PIK3C2G: variants seen among roughly 807,000 people sequenced by gnomAD.
PIK3C2G encodes phosphatidylinositol-4-phosphate 3-kinase catalytic subunit type 2 gamma.
PIK3C2G carries 168 observed loss-of-function variants against 181.1 expected under a neutral mutation model. The ratio of observed to expected loss-of-function variants is 0.93; its 90% CI spans 0.82 to 1.05. The LOEUF (loss-of-function observed/expected upper bound fraction) is 1.05. Ranked by LOEUF, PIK3C2G falls within the 50% of genes least tolerant of loss-of-function variation. The pLI, the probability that PIK3C2G is intolerant of heterozygous loss-of-function variation, is 0.00. For missense variants in PIK3C2G, 1,869 were observed against 1,732.8 expected, an observed-to-expected ratio of 1.08 and a Z score of -1.40; for synonymous variants, 573 against 592.2, an observed-to-expected ratio of 0.97 and a Z score of 0.47.
In PIK3C2G at chr12:18,424,039, G is replaced by C. The variant is rs1445321034; in HGVS notation, c.2504G>C (p.Trp835Ser). The change falls in exon 18 of 33, where the codon TGG becomes TCG. Residue 835 changes from tryptophan to serine, a missense_variant and splice_region_variant. Transcript: ENST00000538779. ...ATCCAGGTTGCCCATCGTCTTTACTGGTAAGATTAACTAAATCAGGCAAGG... is the reference window on the plus strand; with the variant it reads ...ATCCAGGTTGCCCATCGTCTTTACTCGTAAGATTAACTAAATCAGGCAAGG... ...QSIQVAHRLY[W>S]LLKNAENEAY... The C allele has an allele frequency of 6.3e-7, 1 of 1,596,894 alleles. No individual in the cohort carries two copies. The highest frequency in any genetic ancestry group is 1.1e-5 in the South Asian group (1 of 89,356).
At chr12:18,315,134 T>C (rs12309706) in intron 6 of PIK3C2G, among the ~76,000 whole-genome samples, 1 of 152,108 alleles carries the variant, frequency 6.6e-6, no homozygotes, top group East Asian at 1.9e-4. Flanking sequence ...CCAGTGGATG[T>C]TTTCTTTTTT....
the PIK3C2G span, among the ~76,000 whole-genome samples, chr12:18,678,536 TTTTC>T: frequency 2.6e-5 from 4 of 152,106 alleles, no homozygotes; most frequent in African/African-American, 9.7e-5. Flanking sequence ...CATTCACTGA[TTTTC>T]TTTCTGTTAC....
intron 11 of PIK3C2G, among the ~76,000 whole-genome samples, chr12:18,348,989 T>C (rs1196541482): frequency 1.3e-5 from 2 of 152,156 alleles, no homozygotes; most frequent in Non-Finnish European, 2.9e-5. Flanking sequence ...CCATGGTGTA[T>C]AGGTGTGGGA....
intron 24 of PIK3C2G, among the ~76,000 whole-genome samples, chr12:18,524,588 G>A (rs551503524): frequency 2.1e-3 from 310 of 147,120 alleles, no homozygotes; most frequent in African/African-American, 6.9e-3. Flanking sequence ...CTTTTGAGCC[G>A]GAGTTCCAAC....
At chr12:18,660,258 G>C in the PIK3C2G span, among the ~76,000 whole-genome samples, 1 of 152,084 alleles carries the variant, frequency 6.6e-6, no homozygotes, top group African/African-American at 2.4e-5. Flanking sequence ...CACACAGCTT[G>C]CCGAAACCAG....
downstream of PIK3C2G, among the ~76,000 whole-genome samples, chr12:18,651,006 G>A (rs1470080791): frequency 6.6e-6 from 1 of 151,740 alleles, no homozygotes; most frequent in African/African-American, 2.4e-5. Flanking sequence ...TCAAAACTCT[G>A]CAGGGGCTTC....
At chr12:18,643,715 C>T (rs1949963032) in intron 32 of PIK3C2G, among the ~76,000 whole-genome samples, 1 of 151,888 alleles carries the variant, frequency 6.6e-6, no homozygotes, top group Non-Finnish European at 1.5e-5. Context: ...CTCAAGAGCA[C>T]CTTACTAGAT....
At chr12:18,282,900 T>C (rs1949282543) in intron 2 of PIK3C2G, 141 bp downstream of exon 2, 1 of 554,434 alleles carries the variant, frequency 1.8e-6, no homozygotes, top group Non-Finnish European at 3.0e-6. Context: ...TTTTCACAAA[T>C]GATGTGTTCT....
chr12:18,296,436 T>C lies in PIK3C2G; in HGVS notation c.1034+2421T>C, dbSNP rs185318075. On this transcript the variant is annotated intron_variant, in intron 5 of 32. Coordinates refer to ENST00000538779, the MANE Select transcript of PIK3C2G (RefSeq NM_001288772.2). ...ACAGCCCACATTTCAAGTAGTGAGA[T>C]ATTAGAAGCCAAGAATGGTAATGAC... 3.3e-3 allele frequency among the ~76,000 whole-genome samples: 497 copies of C among 152,198 alleles called. 1 individual carries two copies. The highest frequency in any genetic ancestry group is 4.0e-3 in the Non-Finnish European group (269 of 68,006).
chr12:18,677,954 A>G, the PIK3C2G span, among the ~76,000 whole-genome samples: 2 of 152,066 alleles, frequency 1.3e-5, no homozygotes, highest in African/African-American at 4.8e-5. Context: ...GTGTGGATGC[A>G]CATAAATGTA....
chr12:18,370,865 C>T (rs1293311554), intron 12 of PIK3C2G, among the ~76,000 whole-genome samples: 2 of 152,166 alleles, frequency 1.3e-5, no homozygotes, highest in African/African-American at 4.8e-5. Flanking sequence ...CTCCCTAACA[C>T]AGTGTCTTTC....
chr12:18,397,103 A>C (rs1943938341), intron 15 of PIK3C2G, among the ~76,000 whole-genome samples: 1 of 151,980 alleles, frequency 6.6e-6, no homozygotes, highest in Non-Finnish European at 1.5e-5. Context: ...CAATGTAGAT[A>C]GAATAGAAAG....
chr12:18,580,780 G>C (rs945458746), intron 29 of PIK3C2G, among the ~76,000 whole-genome samples: 4 of 152,132 alleles, frequency 2.6e-5, no homozygotes, highest in East Asian at 1.9e-4. Context: ...TAAAATTACT[G>C]TTCAACTTTG....
intron 18 of PIK3C2G, among the ~76,000 whole-genome samples, chr12:18,431,162 T>G (rs577024524): frequency 6.6e-6 from 1 of 152,334 alleles, no homozygotes; most frequent in East Asian, 1.9e-4. Context: ...GGTTAAGTAT[T>G]GCTCTCTTCC....
At chr12:18,320,325 G>T (rs1327605056) in intron 6 of PIK3C2G, among the ~76,000 whole-genome samples, 1 of 114,122 alleles carries the variant, frequency 8.8e-6, no homozygotes, top group Non-Finnish European at 1.7e-5. Context: ...TAAGGTATGC[G>T]TGTGTGTGTG....
chr12:18,661,825 T>C, the PIK3C2G span, among the ~76,000 whole-genome samples: 1 of 152,006 alleles, frequency 6.6e-6, no homozygotes, highest in African/African-American at 2.4e-5. Context: ...TCTACCGTTG[T>C]AGAAATATTC....
chr12:18,266,808 G>A (rs538243161), intron 1 of PIK3C2G, among the ~76,000 whole-genome samples: 12 of 150,254 alleles, frequency 8.0e-5, no homozygotes, highest in African/African-American at 2.2e-4. Context: ...TCCTCCTCTC[G>A]TCCTCTCTCC....
At chr12:18,542,123 G>A (rs1003031195) in intron 25 of PIK3C2G, among the ~76,000 whole-genome samples, 4 of 151,698 alleles carry the variant, frequency 2.6e-5, no homozygotes, top group African/African-American at 4.8e-5. Context: ...GTGAATTCAG[G>A]GTATCCAGAG....
intron 5 of PIK3C2G, among the ~76,000 whole-genome samples, chr12:18,312,330 C>T (rs1249569939): frequency 6.6e-6 from 1 of 152,110 alleles, no homozygotes; most frequent in Non-Finnish European, 1.5e-5. Flanking sequence ...ACGCAGTAGC[C>T]ATGTATGAGG....
Sources: allele counts gnomAD v4.1 joint callset (sites outside exome capture counted in the v4.1 genomes callset), GRCh38; gene constraint gnomAD v4.1.1; transcripts MANE v1.5; gene names NCBI Gene and HGNC (gene_info 2026-07-23, HGNC 2026-07-21).